NCALD: variants seen among roughly 807,000 people sequenced by gnomAD.
The protein encoded by NCALD is neurocalcin delta.
In NCALD, 10 loss-of-function variants were observed where a neutral mutation model predicts 18.6. That is an observed-to-expected ratio of 0.54 (90% confidence interval 0.33 to 0.91). The LOEUF (loss-of-function observed/expected upper bound fraction) is 0.91, where lower values mean the gene tolerates loss of function less well. Among genes scored for constraint, NCALD ranks in the 40% least tolerant of loss-of-function variants. The pLI, the probability that NCALD is intolerant of heterozygous loss-of-function variation, is 0.03. For synonymous variants in NCALD, 88 were observed against 87.4 expected, an observed-to-expected ratio of 1.01 and a Z score of -0.04; for missense variants, 184 against 247.6, an observed-to-expected ratio of 0.74 and a Z score of 1.72.
intron 4 of NCALD, among the ~76,000 whole-genome samples, chr8:101,800,916 G>C (rs1467944813): frequency 1.3e-5 from 1 of 79,404 alleles, no homozygotes; most frequent in African/African-American, 5.0e-5. Flanking sequence ...AAAAAGGGGA[G>C]GGGGGAGAGA....
intron 2 of NCALD, among the ~76,000 whole-genome samples, chr8:101,704,743 C>A (rs1044377882): frequency 6.6e-6 from 1 of 150,812 alleles, no homozygotes. Flanking sequence ...CATGGTGAAA[C>A]CCCATGTCTA....
chr8:101,909,918 T>G (rs751299259), intron 3 of NCALD, among the ~76,000 whole-genome samples: 6 of 152,266 alleles, frequency 3.9e-5, no homozygotes, highest in African/African-American at 4.8e-5. Context: ...CTATGTGATG[T>G]GATTTAAGGG....
chr8:101,740,053 CTGAA>C (rs1810119578), intron 1 of NCALD, among the ~76,000 whole-genome samples: 1 of 152,158 alleles, frequency 6.6e-6, no homozygotes, highest in South Asian at 2.1e-4. Flanking sequence ...AATCTATTGC[CTGAA>C]TGAAGAAATT....
chr8:101,805,720 T>A (rs1813075263), intron 4 of NCALD, among the ~76,000 whole-genome samples: 1 of 152,070 alleles, frequency 6.6e-6, no homozygotes, highest in African/African-American at 2.4e-5. Context: ...TCAAAAACAA[T>A]GGAGATTTTG....
chr8:101,776,759 T>C (rs1450275306), intron 1 of NCALD, among the ~76,000 whole-genome samples: 2 of 152,194 alleles, frequency 1.3e-5, no homozygotes, highest in East Asian at 1.9e-4. Context: ...GATGCTTTAA[T>C]GTACATTTGC....
At chr8:101,931,394 A>G (rs895071485) in intron 2 of NCALD, among the ~76,000 whole-genome samples, 11 of 152,236 alleles carry the variant, frequency 7.2e-5, no homozygotes, top group African/African-American at 2.7e-4. Context: ...TGTTAACAAC[A>G]TCAGATATAC....
intron 2 of NCALD, among the ~76,000 whole-genome samples, chr8:101,952,197 G>A (rs1819453261): frequency 6.6e-6 from 1 of 152,130 alleles, no homozygotes; most frequent in Non-Finnish European, 1.5e-5. Flanking sequence ...AGGGAACTGA[G>A]AGTGCTGGGT....
rs553444371 is a variant in NCALD at position 101,857,750 on chromosome 8, G to T, written c.-20+29391C>A. Among the ~76,000 whole-genome samples, 80 of 152,256 alleles carry T rather than the reference G, an allele frequency of 5.3e-4. No homozygotes were observed. The Middle Eastern group carries it at 0.014, about 26-fold the overall frequency. ...AATTCCGCTTTGGAGAGTTTTGGGG[G>T]AAATTATAAGTTAATTAAATTAAAG... On this transcript the variant is annotated intron_variant, in intron 4 of 6. Coordinates refer to the NCALD transcript ENST00000311028.
At chr8:101,999,995 A>G (rs1473172073) in intron 2 of NCALD, among the ~76,000 whole-genome samples, 1 of 152,130 alleles carries the variant, frequency 6.6e-6, no homozygotes, top group Non-Finnish European at 1.5e-5. Flanking sequence ...GTTCCAACTG[A>G]GGTACCGGGT....
At chr8:101,887,100 A>C (rs1442274490) in intron 4 of NCALD, 5 of 152,188 alleles carry the variant, frequency 3.3e-5, no homozygotes, top group Non-Finnish European at 7.4e-5. Flanking sequence ...ATCGTAATTT[A>C]CACAATTTAA....
chr8:101,823,610 A>T (rs1813810489), intron 4 of NCALD, among the ~76,000 whole-genome samples: 1 of 152,236 alleles, frequency 6.6e-6, no homozygotes, highest in Non-Finnish European at 1.5e-5. Context: ...TATGAAAAAA[A>T]AATTCTAAAT....
chr8:101,713,939 A>T (rs1815939761), intron 2 of NCALD, among the ~76,000 whole-genome samples: 1 of 152,142 alleles, frequency 6.6e-6, no homozygotes, highest in Non-Finnish European at 1.5e-5. Flanking sequence ...TAAAATTCAA[A>T]ATCCCTTCAT....
intron 2 of NCALD, among the ~76,000 whole-genome samples, chr8:101,974,867 C>T (rs1820365846): frequency 6.6e-6 from 1 of 152,126 alleles, no homozygotes; most frequent in African/African-American, 2.4e-5. Flanking sequence ...TGGGCATAAG[C>T]CAGTACTAAT....
At chr8:102,069,009 T>C (rs751984515) in intron 1 of NCALD, among the ~76,000 whole-genome samples, 5 of 152,028 alleles carry the variant, frequency 3.3e-5, no homozygotes, top group Non-Finnish European at 7.4e-5. Flanking sequence ...AGTAGAATGG[T>C]GGTTACCAGA....
chr8:101,718,009 C>A (rs539174021), intron 2 of NCALD, among the ~76,000 whole-genome samples: 1 of 152,152 alleles, frequency 6.6e-6, no homozygotes, highest in African/African-American at 2.4e-5. Context: ...TACAATATTT[C>A]CTTTCTGTGA....
intron 2 of NCALD, among the ~76,000 whole-genome samples, chr8:102,001,021 A>G (rs1028627523): frequency 6.6e-6 from 1 of 152,258 alleles, no homozygotes; most frequent in African/African-American, 2.4e-5. Flanking sequence ...ACAAAGCCAG[A>G]CGGAGAATGA....
At chr8:101,917,677 CAG>C (rs1818018495) in intron 2 of NCALD, among the ~76,000 whole-genome samples, 1 of 152,152 alleles carries the variant, frequency 6.6e-6, no homozygotes, top group East Asian at 1.9e-4. Context: ...AAAAGATCCT[CAG>C]AGACTATTAT....
intron 1 of NCALD, among the ~76,000 whole-genome samples, chr8:102,108,498 G>A (rs1275586823): frequency 3.3e-5 from 5 of 152,182 alleles, no homozygotes; most frequent in Non-Finnish European, 5.9e-5. Context: ...GAAACAGCAC[G>A]CAATGCACTC....
At chr8:101,888,628 G>T (rs1333145086) in intron 3 of NCALD, among the ~76,000 whole-genome samples, 3 of 151,776 alleles carry the variant, frequency 2.0e-5, no homozygotes, top group Admixed American at 2.0e-4. Context: ...TGTTGCCCAG[G>T]CTGGTCTCAA....
Sources: allele counts gnomAD v4.1 joint callset (sites outside exome capture counted in the v4.1 genomes callset), GRCh38; gene constraint gnomAD v4.1.1; transcripts MANE v1.5; gene names NCBI Gene and HGNC (gene_info 2026-07-23, HGNC 2026-07-21).